Variants in SCFD2 observed in about 807,000 individuals in gnomAD.
SCFD2 encodes the protein sec1 family domain-containing protein 2.
SCFD2 carries 54 observed loss-of-function variants against 58.9 expected under a neutral mutation model. That is an observed-to-expected ratio of 0.92 (90% CI 0.74 to 1.15). The LOEUF is 1.15. Ranked by LOEUF, SCFD2 falls within the 50% of genes most tolerant of loss-of-function variation. The probability of loss-of-function intolerance (pLI) is 0.00; values close to 1 mark genes in which losing one functional copy is unlikely to be tolerated. For synonymous variants in SCFD2, 321 were observed against 335.9 expected, an observed-to-expected ratio of 0.96 and a Z score of 0.49; for missense variants, 805 against 836.6, an observed-to-expected ratio of 0.96 and a Z score of 0.47.
chr4:53,091,115 C>G (rs1724456997), intron 5 of SCFD2, among the ~76,000 whole-genome samples: 1 of 151,976 alleles, frequency 6.6e-6, no homozygotes, highest in South Asian at 2.1e-4. Context: ...CTATATTATA[C>G]TATTATAGTC....
chr4:53,239,986 T>C (rs575582195), intron 4 of SCFD2, among the ~76,000 whole-genome samples: 3 of 152,314 alleles, frequency 2.0e-5, no homozygotes, highest in African/African-American at 4.8e-5. Context: ...AATCATGATA[T>C]ATTCTCAGCA....
chr4:53,152,185 A>G (rs1726529961), intron 4 of SCFD2, among the ~76,000 whole-genome samples: 1 of 152,014 alleles, frequency 6.6e-6, no homozygotes, highest in African/African-American at 2.4e-5. Flanking sequence ...TCTCCTATAT[A>G]AACAAAACAC....
intron 4 of SCFD2, among the ~76,000 whole-genome samples, chr4:53,213,877 T>C (rs537862486): frequency 6.6e-6 from 1 of 152,188 alleles, no homozygotes; most frequent in African/African-American, 2.4e-5. Context: ...CATTGTTCAA[T>C]TCCCACCTAT....
At chr4:53,114,152 G>A (rs770075266) in intron 5 of SCFD2, among the ~76,000 whole-genome samples, 2 of 152,066 alleles carry the variant, frequency 1.3e-5, no homozygotes, top group Non-Finnish European at 2.9e-5. Context: ...TCATCGGACT[G>A]TCATGAGGAT....
intron 4 of SCFD2, among the ~76,000 whole-genome samples, chr4:53,223,588 C>T (rs749409431): frequency 3.3e-5 from 5 of 152,206 alleles, no homozygotes; most frequent in Admixed American, 6.5e-5. Context: ...CTTCCCTAAC[C>T]GGCAATTCCC....
At chr4:52,926,398 ACACGCACG>A (rs1172730128) in intron 5 of SCFD2, among the ~76,000 whole-genome samples, 1 of 151,974 alleles carries the variant, frequency 6.6e-6, no homozygotes, top group Non-Finnish European at 1.5e-5. Context: ...ACAGACACAC[ACACGCACG>A]CGTGCGCACC....
intron 2 of SCFD2, among the ~76,000 whole-genome samples, chr4:53,343,155 A>C (rs1275612334): frequency 6.6e-6 from 1 of 152,226 alleles, no homozygotes; most frequent in Admixed American, 6.5e-5. Context: ...CATCAAAAAA[A>C]TCAACGAATC....
intron 2 of SCFD2, among the ~76,000 whole-genome samples, chr4:53,339,363 ATAT>A (rs1431296214): frequency 1.3e-4 from 19 of 150,448 alleles, no homozygotes; most frequent in Non-Finnish European, 2.5e-4. Flanking sequence ...TGTATATTAC[ATAT>A]TATATATATG....
chr4:53,353,122 G>A (rs182135544), intron 1 of SCFD2, among the ~76,000 whole-genome samples: 161 of 152,308 alleles, frequency 1.1e-3, no homozygotes, highest in African/African-American at 3.3e-3. Flanking sequence ...TGGTGTGTCC[G>A]GAGTTTGTTC....
rs140399525 is a variant in SCFD2 at position 53,269,887 on chromosome 4, G to A, written c.1311+3939C>T. On this transcript the variant is annotated intron_variant, in intron 4 of 8. Coordinates refer to ENST00000401642, the MANE Select transcript of SCFD2 (RefSeq NM_152540.4). Reference sequence around the variant, plus strand: ...AAAAAAATACAAAAATTAGCTGGGCGTGGTGGTGCACACCCGTAATTCCAG... The same window carrying A: ...AAAAAAATACAAAAATTAGCTGGGCATGGTGGTGCACACCCGTAATTCCAG... Among the ~76,000 whole-genome samples the A allele has an allele frequency of 4.0e-3, 614 of 152,266 alleles. 5 individuals carry two copies. Among genetic ancestry groups the A allele is most frequent in the African/African-American group, 0.014 (579 of 41,544 alleles).
intron 2 of SCFD2, among the ~76,000 whole-genome samples, chr4:53,337,141 C>G (rs988289494): frequency 6.6e-6 from 1 of 152,122 alleles, no homozygotes; most frequent in Non-Finnish European, 1.5e-5. Flanking sequence ...AGTCCAAGAT[C>G]AAAGTTTTAG....
intron 5 of SCFD2, among the ~76,000 whole-genome samples, chr4:53,131,706 T>A (rs984405091): frequency 1.3e-5 from 2 of 152,248 alleles, no homozygotes; most frequent in Non-Finnish European, 2.9e-5. Flanking sequence ...ACTGTGGGCA[T>A]ACTTAGGAGT....
intron 7 of SCFD2, among the ~76,000 whole-genome samples, chr4:52,887,037 C>T (rs1227729377): frequency 6.6e-6 from 1 of 152,218 alleles, no homozygotes; most frequent in Non-Finnish European, 1.5e-5. Context: ...TCTACTGGAA[C>T]ATAAACTCCA....
chr4:53,206,512 C>T (rs1728411049), intron 4 of SCFD2, among the ~76,000 whole-genome samples: 1 of 152,010 alleles, frequency 6.6e-6, no homozygotes, highest in South Asian at 2.1e-4. Context: ...AACATGTTTG[C>T]TCCATATTGT....
In SCFD2 at chr4:53,215,970, C is replaced by A. The variant is rs188715351; in HGVS notation, c.1311+57856G>T. 5.2e-3 allele frequency among the ~76,000 whole-genome samples: 795 copies of A among 152,314 alleles called. 7 individuals carry two copies. The highest frequency in any genetic ancestry group is 9.7e-3 in the Non-Finnish European group (659 of 68,030). On this transcript the variant is annotated intron_variant, in intron 4 of 8. Coordinates refer to ENST00000401642, the MANE Select transcript of SCFD2 (RefSeq NM_152540.4). ...GTTTATTGATTTGCTTACGTTGAAC[C>A]AGCCTTGCATCCCAGGGATGAAGCC...
intron 5 of SCFD2, among the ~76,000 whole-genome samples, chr4:52,984,375 T>C (rs1721443281): frequency 1.3e-5 from 2 of 152,214 alleles, no homozygotes; most frequent in Admixed American, 1.3e-4. Flanking sequence ...CTCAACACTG[T>C]GCCACAAAGC....
rs1232028377 is a variant in SCFD2 at position 53,350,600 on chromosome 4, G to A, written c.1007+1998C>T. Among the ~76,000 whole-genome samples, 8 of 152,280 alleles carry A rather than the reference G, an allele frequency of 5.3e-5. No homozygotes were observed. The East Asian group carries it at 1.5e-3, about 29-fold the overall frequency. On this transcript the variant is annotated intron_variant, in intron 2 of 8. Coordinates refer to ENST00000401642, the MANE Select transcript of SCFD2 (RefSeq NM_152540.4). ...CATAGGACTCCCAAATTAACTCAAA[G>A]AGTAACTTTATTTTTGTCTGTCATC...
At chr4:53,256,571 C>T (rs1030457806) in intron 4 of SCFD2, among the ~76,000 whole-genome samples, 1 of 152,118 alleles carries the variant, frequency 6.6e-6, no homozygotes. Context: ...CGCCACTGCA[C>T]TCCAGCCTGG....
chr4:52,936,883 A>G (rs1485862680), intron 5 of SCFD2, among the ~76,000 whole-genome samples: 2 of 152,212 alleles, frequency 1.3e-5, no homozygotes, highest in East Asian at 3.8e-4. Flanking sequence ...CTTTAAATCA[A>G]CTCATGTATT....
Sources: allele counts gnomAD v4.1 joint callset (sites outside exome capture counted in the v4.1 genomes callset), GRCh38; gene constraint gnomAD v4.1.1; transcripts MANE v1.5; gene names NCBI Gene and HGNC (gene_info 2026-07-23, HGNC 2026-07-21).